PIEZO2: variants seen among roughly 807,000 people sequenced by gnomAD.
The protein encoded by PIEZO2 is piezo-type mechanosensitive ion channel component 2.
PIEZO2 carries 172 observed loss-of-function variants against 337.3 expected under a neutral mutation model. That is an observed-to-expected ratio of 0.51 (90% CI 0.45 to 0.58). The LOEUF (loss-of-function observed/expected upper bound fraction) is 0.58. Ranked by LOEUF, PIEZO2 falls within the 20% of genes least tolerant of loss-of-function variation. The pLI is 0.00. For missense variants in PIEZO2, 3,028 were observed against 3,391.3 expected (o/e 0.89, Z 2.66); for synonymous variants, 1,251 against 1,228.5 (o/e 1.02, Z -0.38).
chr18:11,093,547 C>G (rs1423140073), intron 1 of PIEZO2, among the ~76,000 whole-genome samples: 2 of 147,984 alleles, frequency 1.4e-5, no homozygotes, highest in Non-Finnish European at 3.0e-5. Flanking sequence ...ACGGATTTCT[C>G]CTTGACATCC....
chr18:11,091,383 C>CAAAAAAAAAAAA (rs529307821), intron 1 of PIEZO2, among the ~76,000 whole-genome samples: 2 of 77,858 alleles, frequency 2.6e-5, no homozygotes, highest in Admixed American at 2.9e-4. Context: ...GACTCCGTCT[C>CAAAAAAAAAAAA]AAAAAAAAAA....
In PIEZO2 at chr18:10,705,713, G is replaced by C; in HGVS notation, c.5622C>G (p.Arg1874=). 6.5e-7 allele frequency: 1 copy of C among 1,536,120 alleles called. No homozygotes were observed. The highest frequency in any genetic ancestry group is 8.7e-7 in the Non-Finnish European group (1 of 1,146,542). Residue 1874 remains arginine (R), a synonymous_variant, in exon 41 of 56, where the codon CGC becomes CGG. Coordinates refer to ENST00000674853, the MANE Select transcript of PIEZO2 (RefSeq NM_001378183.1). Reference sequence around the variant, plus strand: ...CCTCGATGGTCTCAGTGGTCCCCTGGCGTGAGTACAGCATGGTACACTGCG... The same window carrying C: ...CCTCGATGGTCTCAGTGGTCCCCTGCCGTGAGTACAGCATGGTACACTGCG... ...EPTQCTMLYS[R]QGTTETIEEV...
At chr18:10,936,028 G>A (rs549758024) in intron 3 of PIEZO2, among the ~76,000 whole-genome samples, 2 of 152,292 alleles carry the variant, frequency 1.3e-5, no homozygotes, top group African/African-American at 4.8e-5. Flanking sequence ...GTCACAGGTT[G>A]GTATCTTTGG....
Position 11,080,874 on chromosome 18 carries a change from A to ATAAG in PIEZO2, c.65-14653_65-14652insCTTA, listed in dbSNP as rs980545886. The stretch of plus-strand genomic sequence containing the variant: ...AATAAACAAACACATAAATAAATAA[A>ATAAG]TAAAGCAGAGATATCAGAGAAAAGT... On this transcript the variant is annotated intron_variant, in intron 1 of 55. Transcript: ENST00000674853. The surrounding 1 kb of genome is among the most constrained non-coding windows in gnomAD (Gnocchi z 5.4). Among the ~76,000 whole-genome samples the ATAAG allele has an allele frequency of 4.6e-5, 7 of 152,142 alleles. No individual in the cohort carries two copies. Among genetic ancestry groups the ATAAG allele is most frequent in the Admixed American group, 2.0e-4 (3 of 15,266 alleles).
Position 10,749,957 on chromosome 18 carries a change from C to T in PIEZO2, c.4264+134G>A, listed in dbSNP as rs184705479. 153 of 645,144 alleles carry T rather than the reference C, an allele frequency of 2.4e-4. No individual in the cohort carries two copies. The African/African-American group carries it at 2.6e-3, about 11-fold the overall frequency. 40.0% of individuals were successfully genotyped at this position (645,144 alleles called of 1,614,324 possible). On this transcript the variant is annotated intron_variant, in intron 29 of 55. Coordinates refer to ENST00000674853, the MANE Select transcript of PIEZO2 (RefSeq NM_001378183.1). The stretch of plus-strand genomic sequence containing the variant: ...AATAGATTCACAATGTACTACAGTT[C>T]TACAGCCTCCATCTGGAGAAAACTG...
intron 30 of PIEZO2, among the ~76,000 whole-genome samples, chr18:10,744,438 T>C (rs1009316581): frequency 6.6e-6 from 1 of 151,840 alleles, no homozygotes; most frequent in African/African-American, 2.4e-5. Flanking sequence ...CCCCTGGGAG[T>C]GAAGGGGCTG....
At chr18:11,087,426 C>T (rs748623673) in intron 1 of PIEZO2, among the ~76,000 whole-genome samples, 2 of 152,170 alleles carry the variant, frequency 1.3e-5, no homozygotes, top group African/African-American at 4.8e-5. Context: ...CCAAGCAATG[C>T]ACTTGGCTTT....
chr18:11,036,082 A>T (rs888369038), intron 2 of PIEZO2, among the ~76,000 whole-genome samples: 3 of 152,226 alleles, frequency 2.0e-5, no homozygotes, highest in African/African-American at 7.2e-5. Flanking sequence ...GTCACAGTTC[A>T]TAGGAGATTC....
chr18:11,017,234 T>C (rs2036146549), intron 2 of PIEZO2, among the ~76,000 whole-genome samples: 1 of 152,220 alleles, frequency 6.6e-6, no homozygotes, highest in Non-Finnish European at 1.5e-5. Context: ...TCCAACTGCT[T>C]CTTACATTAC....
At chr18:10,985,248 A>T (rs1416014748) in intron 2 of PIEZO2, among the ~76,000 whole-genome samples, 1 of 152,134 alleles carries the variant, frequency 6.6e-6, no homozygotes, top group Non-Finnish European at 1.5e-5. Flanking sequence ...ATACAAAAGT[A>T]TTAAAAATAA....
Position 11,096,516 on chromosome 18 carries a change from G to T in PIEZO2, c.65-30294C>A, listed in dbSNP as rs1281225738. Among the ~76,000 whole-genome samples the T allele has an allele frequency of 2.6e-5, 4 of 152,114 alleles. No individual in the cohort carries two copies. The highest frequency in any genetic ancestry group is 1.5e-5 in the Non-Finnish European group (1 of 68,016). On this transcript the variant is annotated intron_variant, in intron 1 of 55. Coordinates refer to ENST00000674853, the MANE Select transcript of PIEZO2 (RefSeq NM_001378183.1). This position sits in a 1 kb window ranked among gnomAD's most constrained non-coding sequence, Gnocchi z 4.6. Reference sequence around the variant, plus strand: ...GTTTCCTCATTGATAAAACTGAAATGACGCTTTACTAAGCATTCTCTGTGG... The same window carrying T: ...GTTTCCTCATTGATAAAACTGAAATTACGCTTTACTAAGCATTCTCTGTGG...
At position 11,031,065 on chromosome 18, in the gene PIEZO2, T is replaced by C. The variant is rs7229135; in HGVS notation, c.160+35062A>G. Among the ~76,000 whole-genome samples the C allele has an allele frequency of 0.41, 61,404 of 151,606 alleles. 12,757 individuals carry two copies. The highest frequency in any genetic ancestry group is 0.55 in the East Asian group (2,829 of 5,118). The stretch of plus-strand genomic sequence containing the variant: ...AGTGCAGTGGCGTGATCTTGGCTCA[T>C]TGCAAACGCCGCCTCCCGGGTTCAC... On this transcript the variant is annotated intron_variant, in intron 2 of 55. Transcript: ENST00000674853. This position sits in a 1 kb window ranked among gnomAD's most constrained non-coding sequence, Gnocchi z 4.7.
intron 4 of PIEZO2, among the ~76,000 whole-genome samples, chr18:10,892,047 T>A (rs1388883070): frequency 1.3e-5 from 2 of 152,120 alleles, no homozygotes; most frequent in Non-Finnish European, 2.9e-5. Context: ...AACAGCCAAT[T>A]AAGAGACTCC....
intron 5 of PIEZO2, among the ~76,000 whole-genome samples, chr18:10,864,999 C>T (rs1484635796): frequency 6.6e-6 from 1 of 152,150 alleles, no homozygotes; most frequent in Non-Finnish European, 1.5e-5. Context: ...CAAGAGCAAA[C>T]TGTACAGCAG....
At chr18:11,079,965 G>T (rs557070537) in intron 1 of PIEZO2, among the ~76,000 whole-genome samples, 8 of 152,306 alleles carry the variant, frequency 5.3e-5, no homozygotes, top group African/African-American at 1.9e-4. Context: ...ATTGTTTATA[G>T]TAGGACTGAC....
Position 10,973,580 on chromosome 18 carries a change from C to T in PIEZO2, c.286+5955G>A, listed in dbSNP as rs2034325737. Among the ~76,000 whole-genome samples the T allele has an allele frequency of 6.6e-6, 1 of 152,168 alleles. No homozygotes were observed. Among genetic ancestry groups the T allele is most frequent in the Non-Finnish European group, 1.5e-5 (1 of 68,028 alleles). Reference sequence around the variant, plus strand: ...TCCTAATCTTTTGATGCACAGGTGGCCAGAAGTAAAGATATAGCTTGGACC... The same window carrying T: ...TCCTAATCTTTTGATGCACAGGTGGTCAGAAGTAAAGATATAGCTTGGACC... On this transcript the variant is annotated intron_variant, in intron 3 of 55. Transcript: ENST00000674853. This position sits in a 1 kb window ranked among gnomAD's most constrained non-coding sequence, Gnocchi z 4.9.
chr18:10,823,201 C>A lies in PIEZO2; in HGVS notation c.918-15927G>T, dbSNP rs376442449. On this transcript the variant is annotated intron_variant, in intron 7 of 55. Coordinates refer to ENST00000674853, the MANE Select transcript of PIEZO2 (RefSeq NM_001378183.1). ...GTTCTCTTTTTAGACAGAAAAGATT[C>A]TTTTTATTTATGTATTAACATTTTT... Among the ~76,000 whole-genome samples, 13 of 149,060 alleles carry A rather than the reference C, an allele frequency of 8.7e-5. No homozygotes were observed. The South Asian group carries it at 2.8e-3, about 32-fold the overall frequency.
chr18:10,704,455 G>A lies in PIEZO2; in HGVS notation c.6197C>T (p.Ala2066Val), dbSNP rs763023285. The A allele has an allele frequency of 7.8e-6, 12 of 1,537,126 alleles. No homozygotes were observed. The highest frequency in any genetic ancestry group is 3.6e-5 in the South Asian group (3 of 84,064). Reference protein sequence around the residue: ...LLLPILIFLWAMLSVPRPSRR... With the variant: ...LLLPILIFLWVMLSVPRPSRR... ...GCTGGGCCTGGGGACGGACAACATG[G>A]CCCAGAGGAAGATGAGGATGGGAAG... Residue 2066 changes from alanine (A) to valine (V), a missense_variant, in exon 42 of 56, where the codon GCC (alanine) becomes GTC (valine). Around this residue, in one of 5 missense-constraint regions of PIEZO2, gnomAD observed 1,925 missense variants for 2,051.9 expected, o/e 0.94. Transcript: ENST00000674853.
chr18:11,084,202 CAGAG>C lies in PIEZO2; in HGVS notation c.65-17984_65-17981del, dbSNP rs1351431278. 1.6e-3 allele frequency among the ~76,000 whole-genome samples: 210 copies of C among 134,510 alleles called. 2 individuals are homozygous for C. Among genetic ancestry groups the C allele is most frequent in the Middle Eastern group, 4.3e-3 (1 of 230 alleles). 88.2% of individuals were successfully genotyped at this position (134,510 alleles called of 152,430 possible). On this transcript the variant is annotated intron_variant, in intron 1 of 55. Coordinates refer to ENST00000674853, the MANE Select transcript of PIEZO2 (RefSeq NM_001378183.1). ...AAAAAAAAAAAAAAAAAAAAAAAGA[CAGAG>C]AGAGAGAGAAAGGAGAGGCAGGAAA...
Sources: allele counts gnomAD v4.1 joint callset (sites outside exome capture counted in the v4.1 genomes callset), GRCh38; gene constraint gnomAD v4.1.1; regional missense constraint gnomAD v4.1.1; non-coding constraint Gnocchi (gnomAD v3.1); transcripts MANE v1.5; gene names NCBI Gene and HGNC (gene_info 2026-07-23, HGNC 2026-07-21).